The following PCSK2 variants were observed in gnomAD, a reference collection of about 807,000 sequenced individuals.
PCSK2 encodes the protein neuroendocrine convertase 2.
In PCSK2, 14 loss-of-function variants were observed where a neutral mutation model predicts 69.7. The observed-to-expected ratio is 0.20, with a 90% CI of 0.13 to 0.31. The LOEUF is 0.31. PCSK2 is among the 10% of genes least tolerant of loss of function. The probability of loss-of-function intolerance (pLI) is 1.00; values close to 1 mark genes in which losing one functional copy is unlikely to be tolerated. For synonymous variants in PCSK2, 307 were observed against 320.7 expected (o/e 0.96, Z 0.46); for missense variants, 544 against 842.5 (o/e 0.65, Z 4.39).
At chr20:17,346,680 G>A (rs1030860332) in intron 2 of PCSK2, among the ~76,000 whole-genome samples, 1 of 152,150 alleles carries the variant, frequency 6.6e-6, no homozygotes, top group African/African-American at 2.4e-5. Flanking sequence ...AGCTTCTCTG[G>A]AAAATTGTCC....
intron 2 of PCSK2, among the ~76,000 whole-genome samples, chr20:17,347,400 G>A (rs1437190798): frequency 6.6e-6 from 1 of 152,158 alleles, no homozygotes; most frequent in Admixed American, 6.5e-5. Context: ...CGGCAAAGCA[G>A]ATGAACTAGA....
intron 2 of PCSK2, among the ~76,000 whole-genome samples, chr20:17,325,090 C>A (rs1364965382): frequency 6.6e-6 from 1 of 152,110 alleles, no homozygotes; most frequent in Non-Finnish European, 1.5e-5. Flanking sequence ...TCAGATCCCC[C>A]ACAAATGCAT....
intron 2 of PCSK2, among the ~76,000 whole-genome samples, chr20:17,303,889 A>T (rs746400820): frequency 6.7e-6 from 1 of 148,702 alleles, no homozygotes; most frequent in Non-Finnish European, 1.5e-5. Flanking sequence ...CTATATATAT[A>T]TTTTTAAGTG....
intron 8 of PCSK2, among the ~76,000 whole-genome samples, chr20:17,448,041 A>G (rs1160921845): frequency 6.6e-6 from 1 of 152,248 alleles, no homozygotes; most frequent in African/African-American, 2.4e-5. Context: ...TATTCCAATT[A>G]TTCTATAATA....
At position 17,280,528 on chromosome 20, in the gene PCSK2, G is replaced by A. The variant is rs146186254; in HGVS notation, c.282+20184G>A. On this transcript the variant is annotated intron_variant, in intron 2 of 11. Coordinates refer to ENST00000262545, the MANE Select transcript of PCSK2 (RefSeq NM_002594.5). ...GTGGCAGAGCCTTCTCAACTTCAGA[G>A]TCACCCAGAGGAAGTTATAAAAGTC... is the stretch of plus-strand genomic sequence containing the variant. Among the ~76,000 whole-genome samples, 7 of 152,294 alleles carry A rather than the reference G, an allele frequency of 4.6e-5. No homozygotes were observed. In the South Asian group the frequency reaches 6.2e-4, roughly 14 times the overall value.
At chr20:17,470,254 G>A (rs1413219106) in intron 11 of PCSK2, among the ~76,000 whole-genome samples, 3 of 152,196 alleles carry the variant, frequency 2.0e-5, no homozygotes, top group African/African-American at 2.4e-5. Flanking sequence ...TGGCTATTGA[G>A]TGCTAGAAAG....
intron 2 of PCSK2, among the ~76,000 whole-genome samples, chr20:17,344,482 A>G (rs760840101): frequency 9.2e-5 from 14 of 152,256 alleles, no homozygotes; most frequent in Non-Finnish European, 2.9e-5. Context: ...GATTAAAAAC[A>G]GATGTCCTTG....
chr20:17,440,370 A>G (rs1459739982), intron 8 of PCSK2, among the ~76,000 whole-genome samples: 1 of 152,202 alleles, frequency 6.6e-6, no homozygotes, highest in East Asian at 1.9e-4. Flanking sequence ...ACCCTAACAT[A>G]TGGTTTCTTA....
chr20:17,279,593 G>T (rs918033286), intron 2 of PCSK2, among the ~76,000 whole-genome samples: 12 of 151,894 alleles, frequency 7.9e-5, no homozygotes, highest in African/African-American at 2.9e-4. Context: ...ATCACCTGAG[G>T]TCCAGAGTTC....
Position 17,339,641 on chromosome 20 carries a change from T to C in PCSK2, c.283-18686T>C, listed in dbSNP as rs60406983. On this transcript the variant is annotated intron_variant, in intron 2 of 11. Transcript: ENST00000262545. ...CTAGAGTGAAGTGAGCCTTTCATTC[T>C]CTACACTGAAGTGTTTTGCTTCGTG... 4.5e-3 allele frequency among the ~76,000 whole-genome samples: 691 copies of C among 152,322 alleles called. 4 individuals carry two copies. Among genetic ancestry groups the C allele is most frequent in the African/African-American group, 0.016 (652 of 41,582 alleles).
chr20:17,427,446 A>G (rs1257253856), intron 6 of PCSK2, among the ~76,000 whole-genome samples: 1 of 152,134 alleles, frequency 6.6e-6, no homozygotes, highest in Admixed American at 6.6e-5. Flanking sequence ...CAGCCCCTCA[A>G]TACAGGCTAT....
chr20:17,284,459 T>G (rs976209845), intron 2 of PCSK2, among the ~76,000 whole-genome samples: 16 of 152,374 alleles, frequency 1.1e-4, no homozygotes, highest in African/African-American at 3.6e-4. Context: ...CTCTGTTGTT[T>G]CCTTGTGAGG....
At chr20:17,444,386 G>C (rs2032657140) in intron 8 of PCSK2, among the ~76,000 whole-genome samples, 2 of 152,200 alleles carry the variant, frequency 1.3e-5, no homozygotes, top group Admixed American at 6.5e-5. Context: ...TGACTCCTTA[G>C]GGATTTGAAG....
chr20:17,406,196 A>G (rs986296645), intron 5 of PCSK2, among the ~76,000 whole-genome samples: 25 of 152,348 alleles, frequency 1.6e-4, no homozygotes, highest in African/African-American at 6.0e-4. Context: ...ATTCCTGTAC[A>G]CAAATAACTT....
intron 2 of PCSK2, among the ~76,000 whole-genome samples, chr20:17,343,765 T>A (rs74876268): frequency 6.6e-6 from 1 of 152,160 alleles, no homozygotes; most frequent in African/African-American, 2.4e-5. Flanking sequence ...AAATATTTCA[T>A]CCACTGTTGC....
chr20:17,238,840 A>G (rs901291753), intron 1 of PCSK2, among the ~76,000 whole-genome samples: 2 of 152,216 alleles, frequency 1.3e-5, no homozygotes, highest in African/African-American at 4.8e-5. Flanking sequence ...ACACTTGGTA[A>G]AAGACAGAAT....
chr20:17,440,544 A>T (rs887657764), intron 8 of PCSK2, among the ~76,000 whole-genome samples: 1 of 152,168 alleles, frequency 6.6e-6, no homozygotes, highest in South Asian at 2.1e-4. Context: ...AGGTAGCCCA[A>T]ATAAATTGGT....
chr20:17,404,474 C>T (rs1489737943), intron 5 of PCSK2, among the ~76,000 whole-genome samples: 1 of 152,182 alleles, frequency 6.6e-6, no homozygotes, highest in African/African-American at 2.4e-5. Context: ...TGGTGGAAAC[C>T]ACGGTGGCAC....
intron 2 of PCSK2, among the ~76,000 whole-genome samples, chr20:17,276,445 A>AACACAC (rs58766799): frequency 0.17 from 24,681 of 146,794 alleles, 2,230 homozygotes; most frequent in Middle Eastern, 0.24. Flanking sequence ...TTTTAAATTC[A>AACACAC]ACACACACAC....
Sources: gnomAD v4.1 joint callset for allele counts (sites outside exome capture counted in the v4.1 genomes callset) on GRCh38, gnomAD v4.1.1 for gene constraint, MANE v1.5 for transcripts, NCBI Gene and HGNC (gene_info 2026-07-23, HGNC 2026-07-21) for gene names.